RBPJ: variants seen among roughly 807,000 people sequenced by gnomAD.
RBPJ encodes the protein recombining binding protein suppressor of hairless.
In RBPJ, 9 loss-of-function variants were observed where a neutral mutation model predicts 67.8. That is an observed-to-expected ratio of 0.13 (90% CI 0.08 to 0.23). The LOEUF is 0.23. Ranked by LOEUF, RBPJ falls within the 10% of genes least tolerant of loss-of-function variation. RBPJ has a pLI of 1.00. For missense variants in RBPJ, 305 were observed against 595.6 expected (o/e 0.51, Z 5.08); for synonymous variants, 198 against 203.3 (o/e 0.97, Z 0.22).
intron 2 of RBPJ, among the ~76,000 whole-genome samples, chr4:26,397,737 G>A (rs990576854): frequency 1.2e-4 from 18 of 152,238 alleles, no homozygotes; most frequent in East Asian, 1.2e-3. Flanking sequence ...AGGTTCAAGC[G>A]ATTCTCCTGC....
chr4:26,255,531 G>A (rs1720300363), intron 1 of RBPJ, among the ~76,000 whole-genome samples: 1 of 151,148 alleles, frequency 6.6e-6, no homozygotes, highest in Admixed American at 6.6e-5. Context: ...GGCCGGGCGT[G>A]GTGGCTCAAG....
At chr4:26,198,987 C>A (rs1418598999) in intron 1 of RBPJ, among the ~76,000 whole-genome samples, 1 of 151,924 alleles carries the variant, frequency 6.6e-6, no homozygotes, top group African/African-American at 2.4e-5. Flanking sequence ...GAAGTACATT[C>A]ATTTACATTG....
chr4:26,182,659 A>G (rs2109130167), intron 1 of RBPJ, among the ~76,000 whole-genome samples: 1 of 151,178 alleles, frequency 6.6e-6, no homozygotes, highest in East Asian at 2.0e-4. Flanking sequence ...ACATCTGGCT[A>G]ATTTTTTAAT....
At chr4:26,403,304 A>G (rs1418061291) in intron 2 of RBPJ, among the ~76,000 whole-genome samples, 1 of 147,030 alleles carries the variant, frequency 6.8e-6, no homozygotes, top group African/African-American at 2.5e-5. Context: ...CACTTTTTTT[A>G]TACTTAAAGG....
intron 1 of RBPJ, among the ~76,000 whole-genome samples, chr4:26,344,531 G>A (rs570091859): frequency 3.3e-4 from 51 of 152,280 alleles, no homozygotes; most frequent in African/African-American, 1.2e-3. Context: ...CACCGCGCCC[G>A]GCTGCTAACT....
At chr4:26,423,885 A>G (rs1212960973) in intron 5 of RBPJ, among the ~76,000 whole-genome samples, 1 of 152,192 alleles carries the variant, frequency 6.6e-6, no homozygotes, top group East Asian at 1.9e-4. Flanking sequence ...TTGGATGCAA[A>G]CACATATTAA....
At chr4:26,322,467 T>C (rs980043085) in intron 1 of RBPJ, among the ~76,000 whole-genome samples, 3 of 152,184 alleles carry the variant, frequency 2.0e-5, no homozygotes, top group African/African-American at 7.2e-5. Flanking sequence ...TATTTTTTCT[T>C]AATCATTAGA....
chr4:26,320,830 A>G, upstream of RBPJ: 2 of 1,561,918 alleles, frequency 1.3e-6, no homozygotes, highest in Non-Finnish European at 1.7e-6. Flanking sequence ...GTTTCCAGGG[A>G]AGGCAGCGAG....
At chr4:26,185,573 A>T (rs1717216718) in intron 1 of RBPJ, among the ~76,000 whole-genome samples, 1 of 152,218 alleles carries the variant, frequency 6.6e-6, no homozygotes, top group Non-Finnish European at 1.5e-5. Context: ...AATATTAATT[A>T]TCCAGAGTCC....
chr4:26,247,418 TG>T, intron 1 of RBPJ, among the ~76,000 whole-genome samples: 1 of 152,096 alleles, frequency 6.6e-6, no homozygotes, highest in African/African-American at 2.4e-5. Context: ...CTTTTTTTTT[TG>T]GGTGGAGGGG....
Position 26,321,115 on chromosome 4 carries a change from G to T in RBPJ, c.20+67G>T. On this transcript the variant is annotated intron_variant, in intron 1 of 10. Transcript: ENST00000355476. ...GCGGGCGTCTGGCAGCTCACGGCGG[G>T]CAGCGGGTTCGGGGGCCGCGGCGCG... 2.2e-6 allele frequency: 3 copies of T among 1,367,560 alleles called. No individual in the cohort carries two copies. In the South Asian group the frequency reaches 3.6e-5, roughly 16 times the overall value. 84.7% of individuals were successfully genotyped at this position (1,367,560 alleles called of 1,614,324 possible). A position where few individuals can be genotyped will look rare whatever the true frequency, so the allele number is the denominator to read the frequency against.
At chr4:26,148,800 T>C in the RBPJ span, among the ~76,000 whole-genome samples, 146,125 of 152,286 alleles carry the variant, frequency 0.96, 70,363 homozygotes, top group East Asian at 1. Flanking sequence ...TGATTTGGAG[T>C]CCCAAACCAC....
At chr4:26,382,795 C>A (rs1312305763) in intron 1 of RBPJ, among the ~76,000 whole-genome samples, 1 of 152,196 alleles carries the variant, frequency 6.6e-6, no homozygotes, top group Non-Finnish European at 1.5e-5. Flanking sequence ...CCCACCTTGG[C>A]CTCCCAAAGT....
intron 1 of RBPJ, among the ~76,000 whole-genome samples, chr4:26,358,610 CAAAAAAAAAAAAA>C (rs771623602): frequency 9.3e-5 from 4 of 43,126 alleles, no homozygotes; most frequent in African/African-American, 3.2e-4. Context: ...CCCATCTCTG[CAAAAAAAAAAAAA>C]AAAAAAAAAA....
the RBPJ span, among the ~76,000 whole-genome samples, chr4:26,136,707 C>CT: frequency 6.6e-6 from 1 of 152,024 alleles, no homozygotes; most frequent in Non-Finnish European, 1.5e-5. Context: ...TCATTGGGAA[C>CT]TTTTTTTTAA....
intron 1 of RBPJ, among the ~76,000 whole-genome samples, chr4:26,337,906 TTCATTTA>T (rs1172460942): frequency 6.6e-6 from 1 of 151,876 alleles, no homozygotes; most frequent in Non-Finnish European, 1.5e-5. Flanking sequence ...AGGCTGTCTA[TTCATTTA>T]TGTCTTTTCT....
At position 26,193,552 on chromosome 4, in the gene RBPJ, G is replaced by T. The variant is rs570700317; in HGVS notation, c.-167+29938G>T. On this transcript the variant is annotated intron_variant, in intron 1 of 4. Transcript: ENST00000512351. ...CCTGAACATTTTCCACTGGGTTTGAGCCCTGAATCTGCCTTTCAACTTGCT... is the reference window on the plus strand; with the variant it reads ...CCTGAACATTTTCCACTGGGTTTGATCCCTGAATCTGCCTTTCAACTTGCT... 1.2e-3 allele frequency among the ~76,000 whole-genome samples: 181 copies of T among 151,922 alleles called. 1 individual carries two copies. Among genetic ancestry groups the T allele is most frequent in the African/African-American group, 3.6e-3 (151 of 41,410 alleles).
intron 1 of RBPJ, among the ~76,000 whole-genome samples, chr4:26,238,506 C>T (rs1719524230): frequency 6.6e-6 from 1 of 152,206 alleles, no homozygotes; most frequent in South Asian, 2.1e-4. Context: ...TGGCACACTA[C>T]AAGAGTTTTA....
the RBPJ span, chr4:26,111,739 A>G: frequency 6.6e-6 from 1 of 152,198 alleles, no homozygotes; most frequent in Admixed American, 6.5e-5. Context: ...AAGAGAGAGA[A>G]CCTAAATTGG....
Sources: gnomAD v4.1 joint callset for allele counts (sites outside exome capture counted in the v4.1 genomes callset) on GRCh38, gnomAD v4.1.1 for gene constraint, MANE v1.5 for transcripts, NCBI Gene and HGNC (gene_info 2026-07-23, HGNC 2026-07-21) for gene names.